C6orf89: variants seen among roughly 807,000 people sequenced by gnomAD.
C6orf89 encodes chromosome 6 open reading frame 89.
C6orf89 carries 29 observed loss-of-function variants against 40.7 expected under a neutral mutation model. The observed-to-expected ratio is 0.71, with a 90% CI of 0.53 to 0.97. The LOEUF (loss-of-function observed/expected upper bound fraction) is 0.97. Ranked by LOEUF, C6orf89 falls within the 50% of genes least tolerant of loss-of-function variation. C6orf89 has a pLI of 0.00. For synonymous variants in C6orf89, 165 were observed against 152.2 expected, an observed-to-expected ratio of 1.08 and a Z score of -0.62; for missense variants, 392 against 429.1, an observed-to-expected ratio of 0.91 and a Z score of 0.76.
chr6:36,906,459 TTGAC>T (rs1216138009), intron 4 of C6orf89, among the ~76,000 whole-genome samples: 4 of 152,246 alleles, frequency 2.6e-5, no homozygotes, highest in African/African-American at 9.6e-5. Context: ...TGCAAGGGGA[TTGAC>T]TGACTTATCT....
intron 8 of C6orf89, among the ~76,000 whole-genome samples, chr6:36,922,348 A>G (rs1762541670): frequency 6.9e-6 from 1 of 145,648 alleles, no homozygotes; most frequent in African/African-American, 2.8e-5. Flanking sequence ...CTCAAAAAAA[A>G]AAAGAAAGAA....
rs550667210 is a variant in C6orf89 at position 36,923,503 on chromosome 6, TAAAAAC to T, written c.*69_*74del. On this transcript the variant is annotated 3_prime_UTR_variant, in exon 9 of 9. Coordinates refer to ENST00000480824, the MANE Select transcript of C6orf89 (RefSeq NM_001286635.2). Reference sequence around the variant, plus strand: ...GAAAACCAGGTTGAAAGGGGAAAAATAAAAACAAAAACGATGAAACTGCTTTCTGGG... The same window carrying T: ...GAAAACCAGGTTGAAAGGGGAAAAATAAAAACGATGAAACTGCTTTCTGGG... The T allele has an allele frequency of 1.1e-4, 146 of 1,347,744 alleles. 1 individual carries two copies. The Admixed American group carries it at 1.3e-3, about 12-fold the overall frequency. The allele number at this position is 1,347,744 out of a possible 1,614,324, so 83.5% of individuals were successfully genotyped here.
In C6orf89 at chr6:36,914,601, G is replaced by T; in HGVS notation, c.603G>T (p.Gln201His). The change falls in exon 6 of 9, where the codon CAG becomes CAT. Residue 201 changes from glutamine (Q) to histidine (H), a missense_variant. Gln to His is a conservative substitution (Grantham distance 24, BLOSUM62 0). Coordinates refer to ENST00000480824, the MANE Select transcript of C6orf89 (RefSeq NM_001286635.2). ...AAGAGATTCAGCATTTTTTGTGCCA[G>T]TACCCTGAGGCGACAGAAGGCTTCT... ...LEEEIQHFLC[Q>H]YPEATEGFSE... The T allele has an allele frequency of 6.2e-7, 1 of 1,614,254 alleles. No individual in the cohort carries two copies. Among genetic ancestry groups the T allele is most frequent in the South Asian group, 1.1e-5 (1 of 91,090 alleles).
chr6:36,879,959 C>T (rs1028906793), intron 2 of C6orf89, among the ~76,000 whole-genome samples: 1 of 152,248 alleles, frequency 6.6e-6, no homozygotes, highest in African/African-American at 2.4e-5. Flanking sequence ...GGGCAGTAGA[C>T]TGCTCTGTGC....
At chr6:36,882,725 T>C (rs1459357603), upstream of C6orf89, among the ~76,000 whole-genome samples, 3 of 65,620 alleles carry the variant, frequency 4.6e-5, no homozygotes, top group East Asian at 3.6e-3. Context: ...TTTTTTTTTT[T>C]TCTTTTTTCT....
At chr6:36,899,778 A>T in intron 3 of C6orf89, 145 bp downstream of exon 3, 3 of 718,144 alleles carry the variant, frequency 4.2e-6, no homozygotes, top group Non-Finnish European at 6.9e-6. Flanking sequence ...ACCATGTGTT[A>T]CTAGGAAATT....
intron 8 of C6orf89, among the ~76,000 whole-genome samples, chr6:36,922,196 C>T (rs771265315): frequency 6.6e-6 from 1 of 151,894 alleles, no homozygotes; most frequent in Non-Finnish European, 1.5e-5. Flanking sequence ...AAAAATTAGC[C>T]AGGCATGGTG....
chr6:36,883,686 T>A (rs1774885709), upstream of C6orf89, among the ~76,000 whole-genome samples: 1 of 152,176 alleles, frequency 6.6e-6, no homozygotes, highest in African/African-American at 2.4e-5. Context: ...TTAACCCACA[T>A]CATGGATTAA....
At chr6:36,890,915 A>G (rs886947113) in intron 1 of C6orf89, among the ~76,000 whole-genome samples, 10 of 152,136 alleles carry the variant, frequency 6.6e-5, no homozygotes, top group African/African-American at 2.2e-4. Context: ...AATCATTTCA[A>G]TGTTTTATCA....
intron 1 of C6orf89, among the ~76,000 whole-genome samples, chr6:36,893,042 C>T (rs1337621670): frequency 6.6e-6 from 1 of 152,014 alleles, no homozygotes; most frequent in African/African-American, 2.4e-5. Context: ...TCACGCCATT[C>T]TCCTGCCTCA....
chr6:36,902,928 A>G (rs891106472), intron 4 of C6orf89, among the ~76,000 whole-genome samples: 2 of 152,214 alleles, frequency 1.3e-5, no homozygotes, highest in African/African-American at 4.8e-5. Context: ...GTCACAGCTC[A>G]TTTAATTTAG....
At chr6:36,896,785 G>T (rs1034230567) in intron 2 of C6orf89, among the ~76,000 whole-genome samples, 1 of 152,018 alleles carries the variant, frequency 6.6e-6, no homozygotes, top group South Asian at 2.1e-4. Context: ...TATCATTTTA[G>T]CTTATAAATT....
At chr6:36,908,274 C>T (rs9462243) in intron 4 of C6orf89, among the ~76,000 whole-genome samples, 2 of 145,152 alleles carry the variant, frequency 1.4e-5, no homozygotes, top group East Asian at 2.1e-4. Context: ...GGGCCACCAG[C>T]CTGGCCACCT....
chr6:36,907,415 A>C (rs1380008277), intron 4 of C6orf89, among the ~76,000 whole-genome samples: 1 of 152,106 alleles, frequency 6.6e-6, no homozygotes, highest in Non-Finnish European at 1.5e-5. Flanking sequence ...TTTTCTTGTA[A>C]ATAACTCTCA....
chr6:36,899,888 T>C (rs527348113), intron 3 of C6orf89, among the ~76,000 whole-genome samples: 36 of 152,244 alleles, frequency 2.4e-4, no homozygotes, highest in African/African-American at 8.2e-4. Context: ...TGTTTGTTTG[T>C]TGTGTGTGTG....
intron 2 of C6orf89, among the ~76,000 whole-genome samples, chr6:36,895,449 G>A (rs571399961): frequency 7.2e-5 from 11 of 152,202 alleles, no homozygotes; most frequent in African/African-American, 1.4e-4. Flanking sequence ...GGTGACAACC[G>A]ACTGGGTGGT....
At chr6:36,921,888 C>T (rs1000725928) in intron 8 of C6orf89, among the ~76,000 whole-genome samples, 6 of 152,018 alleles carry the variant, frequency 3.9e-5, no homozygotes, top group East Asian at 3.9e-4. Context: ...ATTAGCCAGG[C>T]GTGGTGGCAC....
rs144866840 is a variant in C6orf89 at position 36,914,417 on chromosome 6, C to G, written c.537C>G (p.Leu179=). The G allele has an allele frequency of 2.6e-4, 425 of 1,614,104 alleles. No individual in the cohort carries two copies. Among genetic ancestry groups the G allele is most frequent in the Non-Finnish European group, 3.2e-4 (382 of 1,180,040 alleles). The change falls in exon 5 of 9, where the codon CTC becomes CTG. Residue 179 remains leucine (L), a synonymous_variant. Coordinates refer to ENST00000480824, the MANE Select transcript of C6orf89 (RefSeq NM_001286635.2). ...ACGCCCCAAGGAAATTTGAGAGGCT[C>G]CATCCACTGGTGATCAAGGTGAGCA... ...LEDAPRKFER[L]HPLVIKTGKP...
upstream of C6orf89, among the ~76,000 whole-genome samples, chr6:36,883,984 G>A (rs1053055794): frequency 2.0e-5 from 3 of 152,184 alleles, no homozygotes; most frequent in Non-Finnish European, 2.9e-5. Flanking sequence ...AATTCTGGCC[G>A]GGCGTGATGG....
Sources: allele counts gnomAD v4.1 joint callset (sites outside exome capture counted in the v4.1 genomes callset), GRCh38; gene constraint gnomAD v4.1.1; transcripts MANE v1.5; gene names NCBI Gene and HGNC (gene_info 2026-07-23, HGNC 2026-07-21).